The following RAPGEF4 variants were observed in gnomAD, a reference collection of about 807,000 sequenced individuals.
RAPGEF4 encodes RAP guanine-nucleotide-exchange factor (GEF) 4.
RAPGEF4 carries 66 observed loss-of-function variants against 147.9 expected under a neutral mutation model. That is an observed-to-expected ratio of 0.45 (90% CI 0.37 to 0.55). The LOEUF is 0.55. Ranked by LOEUF, RAPGEF4 falls within the 20% of genes least tolerant of loss-of-function variation. The pLI, the probability that RAPGEF4 is intolerant of heterozygous loss-of-function variation, is 0.00. For missense variants in RAPGEF4, 1,071 were observed against 1,257.3 expected (o/e 0.85, Z 2.24); for synonymous variants, 419 against 442.7 (o/e 0.95, Z 0.67).
chr2:172,743,684 T>C (rs1342759723), intron 1 of RAPGEF4, among the ~76,000 whole-genome samples: 1 of 152,206 alleles, frequency 6.6e-6, no homozygotes, highest in East Asian at 1.9e-4. Flanking sequence ...GTCTGGCCAA[T>C]GAGACATAGC....
intron 10 of RAPGEF4, among the ~76,000 whole-genome samples, chr2:172,971,494 G>A (rs1406497721): frequency 2.0e-5 from 3 of 152,194 alleles, no homozygotes; most frequent in South Asian, 4.1e-4. Flanking sequence ...AGAAGTTGGG[G>A]AATCTTCCAA....
intron 26 of RAPGEF4, among the ~76,000 whole-genome samples, chr2:173,031,224 C>T (rs900474615): frequency 6.6e-6 from 1 of 152,162 alleles, no homozygotes; most frequent in Non-Finnish European, 1.5e-5. Context: ...GTCCTTCTGT[C>T]TTGGGTTTCT....
In RAPGEF4 at chr2:173,051,701, A is replaced by C. The variant is rs772384263; in HGVS notation, c.2970A>C (p.Leu990Phe). 31 of 1,614,020 alleles carry C rather than the reference A, an allele frequency of 1.9e-5. No individual in the cohort carries two copies. In the South Asian group the frequency reaches 3.4e-4, roughly 18 times the overall value. Residue 990 changes from leucine to phenylalanine, a missense_variant, in exon 31 of 31, where the codon TTA becomes TTC. By Grantham distance (22) the Leu-to-Phe change is conservative. Transcript: ENST00000397081. ...HQDVRSYVRQ[L>F]NVIDNQRTLS... ...ATGTCCGGAGTTATGTACGGCAATTAAATGTGATTGACAACCAGAGAACTT... is the reference window on the plus strand; with the variant it reads ...ATGTCCGGAGTTATGTACGGCAATTCAATGTGATTGACAACCAGAGAACTT...
chr2:172,872,745 G>A (rs1439564922), intron 4 of RAPGEF4, among the ~76,000 whole-genome samples: 1 of 152,054 alleles, frequency 6.6e-6, no homozygotes, highest in East Asian at 1.9e-4. Context: ...AGTTTCCCAA[G>A]GCCTCCTAGC....
At chr2:172,884,698 T>C (rs921680772) in intron 4 of RAPGEF4, among the ~76,000 whole-genome samples, 2 of 152,238 alleles carry the variant, frequency 1.3e-5, no homozygotes, top group Admixed American at 6.5e-5. Context: ...TAAAGGTCTG[T>C]TCTGAATGAT....
At chr2:173,038,658 G>A (rs937657126) in intron 29 of RAPGEF4, among the ~76,000 whole-genome samples, 2 of 152,074 alleles carry the variant, frequency 1.3e-5, no homozygotes, top group African/African-American at 4.8e-5. Flanking sequence ...AAACCTAGAC[G>A]GGTTGATAGG....
chr2:172,874,967 C>T (rs1695717831), intron 4 of RAPGEF4, among the ~76,000 whole-genome samples: 1 of 152,068 alleles, frequency 6.6e-6, no homozygotes, highest in African/African-American at 2.4e-5. Context: ...TATCTCATTG[C>T]AGTTTTGATT....
At chr2:172,790,273 C>G (rs992076326) in intron 1 of RAPGEF4, among the ~76,000 whole-genome samples, 1 of 152,148 alleles carries the variant, frequency 6.6e-6, no homozygotes, top group African/African-American at 2.4e-5. Context: ...TATTCAAGTC[C>G]TTAGGCTATT....
At chr2:172,990,440 C>A (rs973600466) in intron 14 of RAPGEF4, among the ~76,000 whole-genome samples, 2 of 152,174 alleles carry the variant, frequency 1.3e-5, no homozygotes, top group Admixed American at 6.5e-5. Context: ...AAACTAAATA[C>A]ACTTAGGAGA....
chr2:172,771,381 G>T (rs112163890), intron 1 of RAPGEF4, among the ~76,000 whole-genome samples: 3 of 150,996 alleles, frequency 2.0e-5, no homozygotes, highest in African/African-American at 7.3e-5. Context: ...ATTTGGGGGC[G>T]GGGATACAAA....
chr2:173,007,776 G>A (rs1296124908), intron 17 of RAPGEF4, among the ~76,000 whole-genome samples: 1 of 152,146 alleles, frequency 6.6e-6, no homozygotes, highest in Admixed American at 6.5e-5. Context: ...GGAAGAAATA[G>A]ACGCAGTGGT....
chr2:172,948,460 G>A (rs938016256), intron 6 of RAPGEF4, among the ~76,000 whole-genome samples: 3 of 152,098 alleles, frequency 2.0e-5, no homozygotes, highest in African/African-American at 7.2e-5. Flanking sequence ...CCTCAAAACT[G>A]GTTTTGTGTC....
At chr2:172,870,137 A>G (rs1214200568) in intron 4 of RAPGEF4, among the ~76,000 whole-genome samples, 4 of 152,026 alleles carry the variant, frequency 2.6e-5, no homozygotes, top group African/African-American at 9.7e-5. Flanking sequence ...TGCTGCTTTC[A>G]CCTGCAGCTT....
At chr2:172,944,315 A>G (rs1028789791) in intron 6 of RAPGEF4, among the ~76,000 whole-genome samples, 1 of 152,198 alleles carries the variant, frequency 6.6e-6, no homozygotes, top group African/African-American at 2.4e-5. Flanking sequence ...TTTGTTTGGA[A>G]GAGATTTGCT....
At chr2:172,926,033 C>CGGAGGGAGGGAGGGAGTGAGGGAG (rs1685314532) in intron 6 of RAPGEF4, among the ~76,000 whole-genome samples, 1 of 52,598 alleles carries the variant, frequency 1.9e-5, no homozygotes, top group Non-Finnish European at 3.3e-5. Context: ...GAGGGAGGGA[C>CGGAGGGAGGGAGGGAGTGAGGGAG]GGAGGGAGGG....
intron 16 of RAPGEF4, among the ~76,000 whole-genome samples, chr2:172,997,453 T>C (rs1298372711): frequency 6.7e-6 from 1 of 148,946 alleles, no homozygotes; most frequent in African/African-American, 2.6e-5. Context: ...TTCTTCAACA[T>C]ATCTTTTTGG....
intron 4 of RAPGEF4, among the ~76,000 whole-genome samples, chr2:172,917,227 T>C (rs1036447904): frequency 1.3e-5 from 2 of 152,200 alleles, no homozygotes; most frequent in Non-Finnish European, 2.9e-5. Flanking sequence ...TAGTTCTAAA[T>C]TAAGCTAAAC....
chr2:172,850,333 T>A (rs565390495), intron 4 of RAPGEF4, among the ~76,000 whole-genome samples: 6 of 152,270 alleles, frequency 3.9e-5, no homozygotes, highest in Non-Finnish European at 7.4e-5. Flanking sequence ...AGTAAAAATA[T>A]CAGGCCAGGC....
chr2:172,862,414 C>T (rs1252879922), intron 4 of RAPGEF4, among the ~76,000 whole-genome samples: 2 of 152,154 alleles, frequency 1.3e-5, no homozygotes, highest in Admixed American at 6.5e-5. Flanking sequence ...GCAGCAAGGG[C>T]TCACCTTCCA....
Sources: allele counts gnomAD v4.1 joint callset (sites outside exome capture counted in the v4.1 genomes callset), GRCh38; gene constraint gnomAD v4.1.1; transcripts MANE v1.5; gene names NCBI Gene and HGNC (gene_info 2026-07-23, HGNC 2026-07-21).